Variants in SYNM observed in about 807,000 individuals in gnomAD.
SYNM encodes the protein synemin.
SYNM carries 95 observed loss-of-function variants against 104.0 expected under a neutral mutation model. That is an observed-to-expected ratio of 0.91 (90% CI 0.77 to 1.08). The LOEUF (loss-of-function observed/expected upper bound fraction) is 1.08, where lower values mean the gene tolerates loss of function less well. Among genes scored for constraint, SYNM ranks in the 50% least tolerant of loss-of-function variants. The probability of loss-of-function intolerance (pLI) is 0.00; values close to 1 mark genes in which losing one functional copy is unlikely to be tolerated. For synonymous variants in SYNM, 918 were observed against 869.0 expected (o/e 1.06, Z -0.99); for missense variants, 2,150 against 2,052.2 (o/e 1.05, Z -0.92).
chr15:99,131,243 C>T lies in SYNM; in HGVS notation c.2883C>T (p.Pro961=), dbSNP rs782319446. 1.4e-5 allele frequency: 23 copies of T among 1,609,304 alleles called. No individual in the cohort carries two copies. The highest frequency in any genetic ancestry group is 5.3e-5 in the African/African-American group (4 of 74,840). The stretch of plus-strand genomic sequence containing the variant: ...TCGGGCAGCTGGAGGAAACCCTTCC[C>T]GAGCGCATGAGGGAGGAGCTGTCCG... ...EVIGQLEETL[P]ERMREELSAL... is the part of the protein sequence containing the mutation. The change falls in exon 4 of 4, where the codon CCC becomes CCT. Residue 961 remains proline (P), a synonymous_variant. Transcript: ENST00000336292. This position sits in a 1 kb window ranked among gnomAD's most constrained non-coding sequence, Gnocchi z 4.3.
In SYNM at chr15:99,131,783, A is replaced by T; in HGVS notation, c.3423A>T (p.Ser1141=). 1 of 1,613,988 alleles carries T rather than the reference A, an allele frequency of 6.2e-7. No individual in the cohort carries two copies. The change falls in exon 4 of 4, where the codon TCA becomes TCT. Residue 1141 remains serine (S), a synonymous_variant. Coordinates refer to ENST00000336292, the MANE Select transcript of SYNM (RefSeq NM_145728.3). This position sits in a 1 kb window ranked among gnomAD's most constrained non-coding sequence, Gnocchi z 4.3. The part of the protein sequence containing the change: ...PSEVWRTERM[S]YEGPTAEVVE... The stretch of plus-strand genomic sequence containing the variant: ...AAGTCTGGAGGACTGAGCGAATGTC[A>T]TATGAAGGACCCACTGCAGAAGTGG...
At chr15:99,108,388 A>G (rs2067269435) in intron 1 of SYNM, among the ~76,000 whole-genome samples, 1 of 152,082 alleles carries the variant, frequency 6.6e-6, no homozygotes, top group African/African-American at 2.4e-5. Flanking sequence ...CTCCATTTCA[A>G]ATTGCATTCC....
At position 99,130,006 on chromosome 15, in the gene SYNM, C is replaced by A. The variant is rs782178027; in HGVS notation, c.1646C>A (p.Ala549Glu). Reference protein sequence around the residue: ...WEELTKLDKEARQRESQQMKE... With the variant: ...WEELTKLDKEERQRESQQMKE... ...GAATTGACAAAGTTAGATAAGGAAG[C>A]GAGACAGAGAGAAAGCCAGCAGATG... is the stretch of plus-strand genomic sequence containing the variant. Residue 549 changes from alanine to glutamate, a missense_variant, in exon 4 of 4, where the codon GCG becomes GAG. Ala to Glu is a moderately radical substitution (Grantham distance 107, BLOSUM62 -1). Coordinates refer to ENST00000336292, the MANE Select transcript of SYNM (RefSeq NM_145728.3). The A allele has an allele frequency of 6.2e-7, 1 of 1,612,856 alleles. No homozygotes were observed. The highest frequency in any genetic ancestry group is 1.7e-5 in the Admixed American group (1 of 59,866).
At chr15:99,113,509 T>G (rs2067318454) in intron 1 of SYNM, 82 bp from the exon 2 acceptor site, 1 of 1,566,468 alleles carries the variant, frequency 6.4e-7, no homozygotes, top group Admixed American at 1.8e-5. Flanking sequence ...GTTTTTCAAT[T>G]CGATCCTGAA....
intron 1 of SYNM, among the ~76,000 whole-genome samples, chr15:99,107,096 T>C (rs782563174): frequency 2.6e-5 from 4 of 152,228 alleles, no homozygotes; most frequent in Non-Finnish European, 5.9e-5. Flanking sequence ...TGCAAAGAGC[T>C]ACAGGCTAGA....
At chr15:99,139,158 C>T (rs1596166266), downstream of SYNM, 1 of 851,742 alleles carries the variant, frequency 1.2e-6, no homozygotes, top group East Asian at 2.7e-5. Flanking sequence ...AGATCTTTTA[C>T]AACTCGGGTT....
At chr15:99,126,668 C>A in intron 2 of SYNM, 54 bp from the exon 3 acceptor site, 1 of 1,482,732 alleles carries the variant, frequency 6.7e-7, no homozygotes, top group Non-Finnish European at 9.2e-7. Context: ...TTATTAGAGG[C>A]ACTTCTTACT....
At chr15:99,124,221 AGTG>A (rs2067427431) in intron 2 of SYNM, among the ~76,000 whole-genome samples, 1 of 152,244 alleles carries the variant, frequency 6.6e-6, no homozygotes, top group African/African-American at 2.4e-5. Context: ...CATTTCTTAA[AGTG>A]GTACGAACCT....
chr15:99,118,841 C>T (rs1430726248), intron 2 of SYNM, among the ~76,000 whole-genome samples: 1 of 152,194 alleles, frequency 6.6e-6, no homozygotes, highest in Non-Finnish European at 1.5e-5. Context: ...AGATCGAGAC[C>T]TCTGAGCATC....
intron 2 of SYNM, among the ~76,000 whole-genome samples, chr15:99,125,462 G>A (rs527957039): frequency 3.0e-4 from 46 of 152,350 alleles, no homozygotes; most frequent in African/African-American, 1.0e-3. Flanking sequence ...CACATGCCCC[G>A]TCCACACACA....
At chr15:99,128,289 C>A (rs922261670) in intron 3 of SYNM, among the ~76,000 whole-genome samples, 1 of 152,284 alleles carries the variant, frequency 6.6e-6, no homozygotes, top group Non-Finnish European at 1.5e-5. Context: ...TGGCCGCTTG[C>A]CCGCTAGCCG....
chr15:99,125,520 C>T (rs1189060572), intron 2 of SYNM, among the ~76,000 whole-genome samples: 2 of 152,252 alleles, frequency 1.3e-5, no homozygotes, highest in East Asian at 1.9e-4. Context: ...TGTGCGCCTT[C>T]GCGAGAGTGC....
intron 1 of SYNM, among the ~76,000 whole-genome samples, chr15:99,109,624 C>T (rs2067282389): frequency 2.0e-5 from 3 of 152,124 alleles, no homozygotes; most frequent in Non-Finnish European, 4.4e-5. Context: ...ATTTGTGAAA[C>T]GAGGTACTGG....
At chr15:99,117,977 T>C (rs74462310) in intron 2 of SYNM, among the ~76,000 whole-genome samples, 2,736 of 152,296 alleles carry the variant, frequency 0.018, 84 homozygotes, top group African/African-American at 0.062. Flanking sequence ...GAGCAAGCGA[T>C]GGATTTCACT....
chr15:99,107,957 T>TTTTTGG (rs1338328394), intron 1 of SYNM, among the ~76,000 whole-genome samples: 61 of 132,312 alleles, frequency 4.6e-4, no homozygotes, highest in East Asian at 1.5e-3. Context: ...TTTTGTTTTT[T>TTTTTGG]TTTTGGTTTT....
At chr15:99,126,526 C>T (rs1032132342) in intron 2 of SYNM, among the ~76,000 whole-genome samples, 196 bp from the exon 3 acceptor site, 1 of 152,242 alleles carries the variant, frequency 6.6e-6, no homozygotes, top group Non-Finnish European at 1.5e-5. Context: ...AGCAGGTGGC[C>T]TGGCCCAGGT....
chr15:99,127,801 A>T (rs2067460982), intron 3 of SYNM, among the ~76,000 whole-genome samples: 2 of 152,222 alleles, frequency 1.3e-5, no homozygotes, highest in Non-Finnish European at 2.9e-5. Flanking sequence ...TTACTTAGTT[A>T]CCTACATTTT....
At chr15:99,109,447 A>G (rs2067280709) in intron 1 of SYNM, among the ~76,000 whole-genome samples, 1 of 152,186 alleles carries the variant, frequency 6.6e-6, no homozygotes, top group Non-Finnish European at 1.5e-5. Context: ...CAAGCCCCCA[A>G]AACATGATTG....
chr15:99,123,554 C>T (rs1555484767), intron 2 of SYNM, among the ~76,000 whole-genome samples: 2 of 152,220 alleles, frequency 1.3e-5, no homozygotes, highest in African/African-American at 4.8e-5. Flanking sequence ...GGGCCCGCAT[C>T]TGGGGTGACC....
Sources: allele counts gnomAD v4.1 joint callset (sites outside exome capture counted in the v4.1 genomes callset), GRCh38; gene constraint gnomAD v4.1.1; non-coding constraint Gnocchi (gnomAD v3.1); transcripts MANE v1.5; gene names NCBI Gene and HGNC (gene_info 2026-07-23, HGNC 2026-07-21).